The following NOP2 variants were observed in gnomAD, a reference collection of about 807,000 sequenced individuals.
NOP2 encodes the protein NOP2 nucleolar protein.
A neutral mutation model predicts 72.7 loss-of-function variants in NOP2; 7 were observed. The observed-to-expected ratio is 0.10, with a 90% CI of 0.05 to 0.18. NOP2 has a LOEUF of 0.18. NOP2 is among the 10% of genes least tolerant of loss of function. The probability of loss-of-function intolerance (pLI) is 1.00; values close to 1 mark genes in which losing one functional copy is unlikely to be tolerated. For missense variants in NOP2, 954 were observed against 1,014.7 expected (o/e 0.94, Z 0.81); for synonymous variants, 387 against 388.0 (o/e 1.00, Z 0.03).
At chr12:6,564,146 A>C in intron 5 of NOP2, 200 bp from the exon 6 acceptor site, 1 of 1,455,264 alleles carries the variant, frequency 6.9e-7, no homozygotes, top group Non-Finnish European at 9.1e-7. Flanking sequence ...ATGGTGGCAC[A>C]CACCTGTAAA....
chr12:6,560,916 C>G lies in NOP2; in HGVS notation c.1347+15G>C, dbSNP rs576130912. The G allele has an allele frequency of 1.2e-6, 2 of 1,613,724 alleles. No homozygotes were observed. The highest frequency in any genetic ancestry group is 2.2e-5 in the East Asian group (1 of 44,872). The stretch of plus-strand genomic sequence containing the variant: ...ACCGGAAGAAGCCTCAGAAGACACA[C>G]AGCTCGAGTCTCACCTTGGGGAACT... On this transcript the variant is annotated intron_variant, in intron 12 of 15. Coordinates refer to ENST00000322166, the MANE Select transcript of NOP2 (RefSeq NM_001258308.2). This position sits in a 1 kb window ranked among gnomAD's most constrained non-coding sequence, Gnocchi z 5.0.
At chr12:6,565,996 C>T in intron 5 of NOP2, 105 bp downstream of exon 5, 1 of 927,938 alleles carries the variant, frequency 1.1e-6, no homozygotes, top group Non-Finnish European at 1.7e-6. Context: ...AACCCCTTTC[C>T]TCTAGTCAGG....
chr12:6,564,030 G>A lies in NOP2; in HGVS notation c.475-84C>T, dbSNP rs1396105969. ...TTCTATCTCTATATCTTATTTTTTC[G>A]CTAAATAAAAATCCAACACTTGCTC... On this transcript the variant is annotated intron_variant, in intron 5 of 15. Transcript: ENST00000322166. 12 of 1,547,640 alleles carry A rather than the reference G, an allele frequency of 7.8e-6. No individual in the cohort carries two copies. The African/African-American group carries it at 9.6e-5, about 12-fold the overall frequency.
chr12:6,559,306 G>C (rs1174840940), intron 15 of NOP2, among the ~76,000 whole-genome samples: 1 of 152,184 alleles, frequency 6.6e-6, no homozygotes, highest in Admixed American at 6.5e-5. Context: ...TTTTAGTAGA[G>C]ATGGGGGTTT....
intron 9 of NOP2, among the ~76,000 whole-genome samples, chr12:6,562,336 C>G (rs780491329): frequency 6.6e-6 from 1 of 152,174 alleles, no homozygotes; most frequent in South Asian, 2.1e-4. Flanking sequence ...ACCCAGAAGA[C>G]AGATGAAGAC....
At chr12:6,557,924 C>T (rs36018751) in intron 15 of NOP2, 19,666 of 416,234 alleles carry the variant, frequency 0.047, 651 homozygotes, top group Middle Eastern at 0.083. Flanking sequence ...AAGTGGATTG[C>T]TTGAGGCCAG....
At chr12:6,567,706 A>T in intron 2 of NOP2, 110 bp downstream of exon 2, 2 of 830,834 alleles carry the variant, frequency 2.4e-6, no homozygotes, top group Non-Finnish European at 3.8e-6. Context: ...TAACTCATAC[A>T]GAGAAGATTC....
At chr12:6,559,485 G>A (rs1017799481) in intron 15 of NOP2, among the ~76,000 whole-genome samples, 1 of 152,048 alleles carries the variant, frequency 6.6e-6, no homozygotes, top group African/African-American at 2.4e-5. Flanking sequence ...CTGACCTCAG[G>A]TGAGTGCTGG....
chr12:6,559,216 TCATGC>T (rs1947583339), intron 15 of NOP2, among the ~76,000 whole-genome samples: 1 of 152,270 alleles, frequency 6.6e-6, no homozygotes, highest in South Asian at 2.1e-4. Flanking sequence ...CCTCCCGGGT[TCATGC>T]CATTCTCCTG....
In NOP2 at chr12:6,560,856, A is replaced by G; in HGVS notation, c.1348-69T>C. 1.9e-6 allele frequency: 3 copies of G among 1,609,362 alleles called. No homozygotes were observed. The highest frequency in any genetic ancestry group is 2.5e-6 in the Non-Finnish European group (3 of 1,177,320). On this transcript the variant is annotated intron_variant, in intron 12 of 15. Coordinates refer to ENST00000322166, the MANE Select transcript of NOP2 (RefSeq NM_001258308.2). The surrounding 1 kb of genome is among the most constrained non-coding windows in gnomAD (Gnocchi z 5.0). ...AGCAGGGCAATATTTACTAGGGTCG[A>G]GTCTAAACATTGAGGTCAGGAAGGG...
intron 15 of NOP2, among the ~76,000 whole-genome samples, chr12:6,558,579 A>G (rs1947566641): frequency 6.6e-6 from 1 of 151,152 alleles, no homozygotes; most frequent in South Asian, 2.1e-4. Context: ...AGGGTCTTCT[A>G]AATGAATTTG....
At chr12:6,564,741 T>G (rs1565591458) in intron 5 of NOP2, among the ~76,000 whole-genome samples, 2 of 151,328 alleles carry the variant, frequency 1.3e-5, no homozygotes, top group Non-Finnish European at 1.5e-5. Flanking sequence ...TTTTGTCGTT[T>G]TTTTTTTTTT....
Position 6,567,899 on chromosome 12 carries a change from G to T in NOP2, c.20C>A (p.Pro7His), listed in dbSNP as rs371872788. The change falls in exon 2 of 16, where the codon CCT (proline) becomes CAT (histidine). Residue 7 changes from proline (P) to histidine (H), a missense_variant. Coordinates refer to ENST00000322166, the MANE Select transcript of NOP2 (RefSeq NM_001258308.2). MGRKLDPTKEKRGPGRK... is the reference protein window; with the variant it reads MGRKLDHTKEKRGPGRK... ...GCCTGGCCCCCGCTTCTCCTTCGTA[G>T]GGTCCAACTTGCGCCCCATGGTACT... 285 of 1,613,994 alleles carry T rather than the reference G, an allele frequency of 1.8e-4. 5 individuals are homozygous for T. The South Asian group carries it at 3.0e-3, about 17-fold the overall frequency.
At chr12:6,564,300 T>G (rs1039793223) in intron 5 of NOP2, 30 of 244,022 alleles carry the variant, frequency 1.2e-4, no homozygotes, top group African/African-American at 7.0e-4. Flanking sequence ...AAAACCTAAG[T>G]AATAAATTAA....
rs1029084153 is a variant in NOP2, at chr12:6,566,941, T to G, written c.104-119A>C. ...TAATTAAAAGGAGTCCATTTAAATC[T>G]CAGCCCTGTTATTATTTAATAACTG... On this transcript the variant is annotated intron_variant, in intron 2 of 15. Transcript: ENST00000322166. 33 of 785,638 alleles carry G rather than the reference T, an allele frequency of 4.2e-5. No homozygotes were observed. The East Asian group carries it at 8.3e-4, about 20-fold the overall frequency. 48.7% of individuals were successfully genotyped at this position (785,638 alleles called of 1,614,324 possible).
Position 6,560,958 on chromosome 12 carries a change from G to A in NOP2, c.1320C>T (p.Ser440=). The change falls in exon 12 of 16, where the codon AGC becomes AGT. Residue 440 remains serine (S), a synonymous_variant. Coordinates refer to ENST00000322166, the MANE Select transcript of NOP2 (RefSeq NM_001258308.2). The surrounding 1 kb of genome is among the most constrained non-coding windows in gnomAD (Gnocchi z 5.0). ...TGGGGAACTGGCGCCCATCATAGTG[G>A]CTGATAATGGTGTTGGTGACTCCCA... ...HRLGVTNTII[S]HYDGRQFPKV... is the part of the protein sequence containing the mutation. 3 of 1,613,890 alleles carry A rather than the reference G, an allele frequency of 1.9e-6. No individual in the cohort carries two copies. Among genetic ancestry groups the A allele is most frequent in the South Asian group, 1.1e-5 (1 of 91,048 alleles).
rs1008294211 is a variant in NOP2 at position 6,565,489 on chromosome 12, T to C, written c.474+612A>G. The stretch of plus-strand genomic sequence containing the variant: ...CCAGGTAGCTGGGATTACAGGCATA[T>C]ACCACCACACCAGCTAATTTTCATA... On this transcript the variant is annotated intron_variant, in intron 5 of 15. Transcript: ENST00000322166. 2.6e-5 allele frequency among the ~76,000 whole-genome samples: 4 copies of C among 151,228 alleles called. No homozygotes were observed. In the East Asian group the frequency reaches 5.8e-4, roughly 22 times the overall value.
intron 10 of NOP2, 25 bp from the exon 11 acceptor site, chr12:6,561,829 C>T (rs1462746484): frequency 2.5e-6 from 4 of 1,609,324 alleles, no homozygotes; most frequent in East Asian, 2.2e-5. Context: ...CACCCTGTGA[C>T]ATGCGGTAGG....
chr12:6,560,097 C>CCTGTCTGGGA lies in NOP2; in HGVS notation c.1780_1789dup (p.Gly597ValfsTer7), dbSNP rs1947604433. Reference sequence around the variant, plus strand: ...ACGAAGGGAAGAAAAAGATTACTTACCTGTCTGGGACTGAGGGATAGAATT... The same window carrying CCTGTCTGGGA: ...ACGAAGGGAAGAAAAAGATTACTTACCTGTCTGGGACTGTCTGGGACTGAGGGATAGAATT... On this transcript the variant is annotated frameshift_variant and splice_region_variant. Coordinates refer to ENST00000322166, the MANE Select transcript of NOP2 (RefSeq NM_001258308.2). LOFTEE classifies it high-confidence loss of function. The surrounding 1 kb of genome is among the most constrained non-coding windows in gnomAD (Gnocchi z 5.0). The CCTGTCTGGGA allele has an allele frequency of 6.2e-7, 1 of 1,606,006 alleles. No individual in the cohort carries two copies. Among genetic ancestry groups the CCTGTCTGGGA allele is most frequent in the African/African-American group, 1.3e-5 (1 of 74,758 alleles).
Sources: gnomAD v4.1 joint callset for allele counts (sites outside exome capture counted in the v4.1 genomes callset) on GRCh38, gnomAD v4.1.1 for gene constraint, Gnocchi (gnomAD v3.1) non-coding constraint, MANE v1.5 for transcripts, NCBI Gene and HGNC (gene_info 2026-07-23, HGNC 2026-07-21) for gene names.